Variants in COL4A5 observed in about 807,000 individuals in gnomAD.
The protein encoded by COL4A5 is collagen alpha-5(IV) chain.
A neutral mutation model predicts 130.2 loss-of-function variants in COL4A5; 26 were observed. The observed-to-expected ratio is 0.20, with a 90% confidence interval of 0.15 to 0.28. The LOEUF (loss-of-function observed/expected upper bound fraction) is 0.28. Among genes scored for constraint, COL4A5 ranks in the 10% least tolerant of loss-of-function variants. The probability of loss-of-function intolerance (pLI) is 1.00; values close to 1 mark genes in which losing one functional copy is unlikely to be tolerated. For synonymous variants in COL4A5, 496 were observed against 439.6 expected, an observed-to-expected ratio of 1.13 and a Z score of -1.60; for missense variants, 1,131 against 1,344.3, an observed-to-expected ratio of 0.84 and a Z score of 2.48.
At chrX:108,643,785 A>G (rs1314996972) in intron 36 of COL4A5, among the ~76,000 whole-genome samples, 1 of 111,923 alleles carries the variant, frequency 8.9e-6, no homozygotes, top group Non-Finnish European at 1.9e-5. Flanking sequence ...ATCACATAGG[A>G]CCTACAAAAC....
chrX:108,627,232 A>G, intron 36 of COL4A5: 1 of 590,099 alleles, frequency 1.7e-6, no homozygotes, highest in African/African-American at 2.5e-5. Context: ...GTGACATTGA[A>G]TATATGATTT....
intron 6 of COL4A5, among the ~76,000 whole-genome samples, chrX:108,571,161 G>A (rs1489885707): frequency 9.0e-6 from 1 of 111,496 alleles, no homozygotes; most frequent in Non-Finnish European, 1.9e-5. Flanking sequence ...TGTCTTTGTT[G>A]GAAGAAAAGA....
At chrX:108,562,248 A>G (rs985151635) in intron 3 of COL4A5, among the ~76,000 whole-genome samples, 1 of 111,727 alleles carries the variant, frequency 9.0e-6, no homozygotes, top group Non-Finnish European at 1.9e-5. Flanking sequence ...GGCAACTCCA[A>G]TGGACTGAGA....
intron 49 of COL4A5, among the ~76,000 whole-genome samples, chrX:108,691,195 G>A (rs1373012739): frequency 9.0e-6 from 1 of 110,958 alleles, no homozygotes; most frequent in Non-Finnish European, 1.9e-5. Context: ...ATGAAGAGAA[G>A]TGGGTTAAGG....
At chrX:108,644,070 C>T (rs751567711) in intron 36 of COL4A5, among the ~76,000 whole-genome samples, 1 of 111,793 alleles carries the variant, frequency 8.9e-6, no homozygotes, top group South Asian at 3.7e-4. Context: ...ACACCAAAAG[C>T]GAGCAAGAGT....
rs1476323842 is a variant in COL4A5 at position 108,601,503 on chromosome X, T to G, written c.2041+18T>G. 1.8e-6 allele frequency: 2 copies of G among 1,103,199 alleles called. No homozygotes were observed. The highest frequency in any genetic ancestry group is 2.5e-6 in the Non-Finnish European group (2 of 801,863). The allele number at this position is 1,103,199 out of a possible 1,213,427, so 90.9% of individuals were successfully genotyped here. A position where few individuals can be genotyped will look rare whatever the true frequency, so the allele number is the denominator to read the frequency against. ...TCTTCCAGGTATGTGAGGAATTTAT[T>G]TCAAAGTAACTTCAACACCGATGGC... On this transcript the variant is annotated intron_variant, in intron 26 of 52. Transcript: ENST00000328300.
intron 36 of COL4A5, among the ~76,000 whole-genome samples, chrX:108,634,864 A>G (rs889176124): frequency 9.0e-6 from 1 of 111,081 alleles, no homozygotes; most frequent in Non-Finnish European, 1.9e-5. Context: ...TCATTTTTCC[A>G]GTTCCACACT....
intron 2 of COL4A5, among the ~76,000 whole-genome samples, chrX:108,544,348 C>A (rs1357880725): frequency 8.9e-6 from 1 of 112,334 alleles, no homozygotes; most frequent in African/African-American, 3.2e-5. Flanking sequence ...AAGGCCTTTT[C>A]TGCATCTATT....
rs1415670653 is a variant in COL4A5, at chrX:108,606,774, T to G, written c.2277T>G (p.Pro759=). 6 of 1,209,754 alleles carry G rather than the reference T, an allele frequency of 5.0e-6. No homozygotes were observed. The highest frequency in any genetic ancestry group is 6.7e-6 in the Non-Finnish European group (6 of 895,029). The part of the protein sequence containing the change: ...GEPGFALPGP[P]GPPGLPGFKG... ...CAGGATTTGCATTACCTGGGCCACC[T>G]GGGCCACCAGGACTTCCAGGTTTCA... is the stretch of plus-strand genomic sequence containing the variant. Residue 759 remains proline, a synonymous_variant, in exon 29 of 53, where the codon CCT becomes CCG. Coordinates refer to ENST00000328300, the MANE Select transcript of COL4A5 (RefSeq NM_033380.3).
intron 1 of COL4A5, chrX:108,462,964 C>G (rs1267279125): frequency 8.9e-6 from 1 of 112,164 alleles, no homozygotes; most frequent in Non-Finnish European, 1.9e-5. Flanking sequence ...CAGCTTTTCT[C>G]TTTCACTTTA....
At chrX:108,456,540 C>G (rs2064586375) in intron 1 of COL4A5, among the ~76,000 whole-genome samples, 1 of 111,666 alleles carries the variant, frequency 9.0e-6, no homozygotes, top group Admixed American at 9.5e-5. Context: ...CTTTCCATTA[C>G]CTATGTCTTT....
At chrX:108,466,072 G>T (rs896923196) in intron 1 of COL4A5, among the ~76,000 whole-genome samples, 11 of 111,178 alleles carry the variant, frequency 9.9e-5, no homozygotes, top group Non-Finnish European at 3.8e-5. Context: ...CAACTTCATT[G>T]TACATCATCC....
At chrX:108,622,847 T>C in intron 33 of COL4A5, 22 bp downstream of exon 33, 1 of 1,189,410 alleles carries the variant, frequency 8.4e-7, no homozygotes. Flanking sequence ...AATTTATTTA[T>C]GAATATTTTT....
At chrX:108,676,376 A>G (rs1425417515) in intron 43 of COL4A5, among the ~76,000 whole-genome samples, 1 of 111,723 alleles carries the variant, frequency 9.0e-6, no homozygotes, top group Non-Finnish European at 1.9e-5. Flanking sequence ...CAGCCACTGA[A>G]CACTCTGCAA....
At chrX:108,681,947 T>C in intron 47 of COL4A5, 59 bp downstream of exon 47, 5 of 1,076,331 alleles carry the variant, frequency 4.6e-6, no homozygotes, top group Non-Finnish European at 6.4e-6. Flanking sequence ...GGGATACATG[T>C]GCAGAATGTA....
At chrX:108,520,583 A>G (rs760205051) in intron 1 of COL4A5, among the ~76,000 whole-genome samples, 29 of 111,647 alleles carry the variant, frequency 2.6e-4, no homozygotes, top group Non-Finnish European at 5.3e-4. Context: ...ACCTTTTATC[A>G]TTCTGAAGTG....
At chrX:108,692,672 T>C (rs2068654725) in intron 49 of COL4A5, 76 bp from the exon 50 acceptor site, 1 of 985,913 alleles carries the variant, frequency 1.0e-6, no homozygotes, top group African/African-American at 1.9e-5. Flanking sequence ...TGAAAGGCTG[T>C]TTGCTATTGT....
At chrX:108,588,121 C>T (rs1291935107) in intron 19 of COL4A5, among the ~76,000 whole-genome samples, 1 of 111,067 alleles carries the variant, frequency 9.0e-6, no homozygotes, top group East Asian at 2.8e-4. Flanking sequence ...AAATTGAGTA[C>T]TGCCCTTATC....
intron 37 of COL4A5, among the ~76,000 whole-genome samples, chrX:108,657,887 T>A (rs2067874720): frequency 9.0e-6 from 1 of 111,452 alleles, no homozygotes; most frequent in African/African-American, 3.2e-5. Context: ...ATTTTTTGTT[T>A]TATAAAATAT....
Sources: gnomAD v4.1 joint callset for allele counts (sites outside exome capture counted in the v4.1 genomes callset) on GRCh38, gnomAD v4.1.1 for gene constraint, MANE v1.5 for transcripts, NCBI Gene and HGNC (gene_info 2026-07-23, HGNC 2026-07-21) for gene names.